The following THSD7B variants were observed in gnomAD, a reference collection of about 807,000 sequenced individuals.
THSD7B encodes thrombospondin type 1 domain containing 7B, also known as thrombospondin type-1 domain-containing protein 7B.
In THSD7B, 138 loss-of-function variants were observed where a neutral mutation model predicts 213.6. The observed-to-expected ratio is 0.65, with a 90% CI of 0.56 to 0.74. The LOEUF (loss-of-function observed/expected upper bound fraction) is 0.74. Ranked by LOEUF, THSD7B falls within the 30% of genes least tolerant of loss-of-function variation. The pLI is 0.00. For synonymous variants in THSD7B, 742 were observed against 687.0 expected (o/e 1.08, Z -1.25); for missense variants, 1,931 against 1,991.5 (o/e 0.97, Z 0.58).
At chr2:137,664,866 C>T (rs1335531919) in intron 26 of THSD7B, among the ~76,000 whole-genome samples, 1 of 152,084 alleles carries the variant, frequency 6.6e-6, no homozygotes, top group Non-Finnish European at 1.5e-5. Context: ...ACATTAACTC[C>T]TAGGGCATGG....
At chr2:136,875,531 C>G (rs997117623) in intron 1 of THSD7B, among the ~76,000 whole-genome samples, 8 of 152,038 alleles carry the variant, frequency 5.3e-5, no homozygotes, top group Non-Finnish European at 1.0e-4. Context: ...TTCTTTTAAT[C>G]ATTGTGTAAG....
intron 7 of THSD7B, among the ~76,000 whole-genome samples, chr2:137,173,274 A>C (rs1230507098): frequency 2.0e-5 from 3 of 152,218 alleles, no homozygotes; most frequent in African/African-American, 7.2e-5. Flanking sequence ...AATAAGGAGG[A>C]TTCGAATAGC....
chr2:137,341,461 C>A lies in THSD7B; in HGVS notation c.2501-64152C>A, dbSNP rs77318750. ...AGTTTTATGTAATCCTATTTGTCTCCTTTTGTTCTTGATGACTGCATTTTT... is the reference window on the plus strand; with the variant it reads ...AGTTTTATGTAATCCTATTTGTCTCATTTTGTTCTTGATGACTGCATTTTT... On this transcript the variant is annotated intron_variant, in intron 12 of 27. Coordinates refer to ENST00000409968, the MANE Select transcript of THSD7B (RefSeq NM_001316349.2). Among the ~76,000 whole-genome samples, 164 of 151,320 alleles carry A rather than the reference C, an allele frequency of 1.1e-3. 1 individual carries two copies. In the East Asian group the frequency reaches 0.026, roughly 24 times the overall value.
chr2:137,620,795 T>C, intron 20 of THSD7B, 69 bp downstream of exon 20: 1 of 1,320,368 alleles, frequency 7.6e-7, no homozygotes, highest in Non-Finnish European at 1.1e-6. Flanking sequence ...TGCCATAGCT[T>C]GATAAATGGC....
At chr2:137,071,995 GT>G (rs1687500055) in intron 3 of THSD7B, among the ~76,000 whole-genome samples, 1 of 152,210 alleles carries the variant, frequency 6.6e-6, no homozygotes, top group African/African-American at 2.4e-5. Context: ...GTATCATGCT[GT>G]TTTGGTTACT....
At chr2:137,529,417 G>A (rs1420797521) in intron 15 of THSD7B, among the ~76,000 whole-genome samples, 2 of 151,970 alleles carry the variant, frequency 1.3e-5, no homozygotes, top group Admixed American at 6.6e-5. Flanking sequence ...TATGTGCTAA[G>A]GGACTAATGA....
intron 2 of THSD7B, among the ~76,000 whole-genome samples, chr2:136,973,552 TTC>T (rs1685436045): frequency 6.6e-6 from 1 of 152,212 alleles, no homozygotes; most frequent in Non-Finnish European, 1.5e-5. Context: ...GAAAATGGAC[TTC>T]TGAGTCTTTA....
rs542813648 is a variant in THSD7B, at chr2:137,161,265, T to A, written c.1525+897T>A. 5.2e-4 allele frequency among the ~76,000 whole-genome samples: 79 copies of A among 152,298 alleles called. No homozygotes were observed. In the South Asian group the frequency reaches 0.015, roughly 29 times the overall value. On this transcript the variant is annotated intron_variant, in intron 6 of 27. Coordinates refer to ENST00000409968, the MANE Select transcript of THSD7B (RefSeq NM_001316349.2). The stretch of plus-strand genomic sequence containing the variant: ...GCCTTCTCTTTCATTGACCCTTTAG[T>A]TTCTATTGATACTGTGTTCCCTTAA...
At chr2:137,476,195 T>C (rs1163320856) in intron 15 of THSD7B, among the ~76,000 whole-genome samples, 2 of 152,148 alleles carry the variant, frequency 1.3e-5, no homozygotes, top group East Asian at 1.9e-4. Context: ...TTTGAGTTCC[T>C]TGTATATACT....
intron 2 of THSD7B, among the ~76,000 whole-genome samples, chr2:136,941,172 A>G (rs1178623622): frequency 3.9e-5 from 6 of 152,184 alleles, no homozygotes; most frequent in Non-Finnish European, 7.3e-5. Flanking sequence ...ACGTCCCTGC[A>G]AAAGACATGA....
At chr2:137,191,799 T>A (rs1183572487) in intron 7 of THSD7B, among the ~76,000 whole-genome samples, 1 of 152,118 alleles carries the variant, frequency 6.6e-6, no homozygotes, top group Non-Finnish European at 1.5e-5. Flanking sequence ...CTGTGGATCA[T>A]ATTATATATA....
chr2:136,775,544 G>A (rs916211733), intron 1 of THSD7B, among the ~76,000 whole-genome samples: 1 of 151,984 alleles, frequency 6.6e-6, no homozygotes, highest in Non-Finnish European at 1.5e-5. Flanking sequence ...TTTTGTTCAG[G>A]GGATAAAGAA....
Position 137,676,276 on chromosome 2 carries a change from A to AAAAC in THSD7B, c.4740-245_4740-242dup, listed in dbSNP as rs1487613121. ...TGTGTATCATCAAGAATATAAAAGG[A>AAAAC]AAACAACTCTTCTACTAAGTTCCTT... is the stretch of plus-strand genomic sequence containing the variant. On this transcript the variant is annotated intron_variant, in intron 27 of 27. Coordinates refer to ENST00000409968, the MANE Select transcript of THSD7B (RefSeq NM_001316349.2). Among the ~76,000 whole-genome samples, 3 of 152,306 alleles carry AAAAC rather than the reference A, an allele frequency of 2.0e-5. No individual in the cohort carries two copies. The East Asian group carries it at 5.8e-4, about 29-fold the overall frequency.
At chr2:137,483,565 A>G (rs1688355262) in intron 15 of THSD7B, among the ~76,000 whole-genome samples, 1 of 152,226 alleles carries the variant, frequency 6.6e-6, no homozygotes, top group African/African-American at 2.4e-5. Flanking sequence ...ATTGAACTCT[A>G]TTATTGTCTA....
chr2:137,121,490 A>T (rs1489491232), intron 5 of THSD7B, among the ~76,000 whole-genome samples: 1 of 152,228 alleles, frequency 6.6e-6, no homozygotes. Flanking sequence ...TGTTGCTGAA[A>T]CTAAAGCATG....
At chr2:137,189,016 G>A (rs1680607241) in intron 7 of THSD7B, among the ~76,000 whole-genome samples, 1 of 152,144 alleles carries the variant, frequency 6.6e-6, no homozygotes, top group Admixed American at 6.5e-5. Context: ...GAAATGTCCT[G>A]ATTTTGACAC....
intron 12 of THSD7B, among the ~76,000 whole-genome samples, chr2:137,295,769 C>T (rs1428596236): frequency 3.9e-5 from 6 of 152,198 alleles, no homozygotes; most frequent in Middle Eastern, 3.4e-3. Context: ...CCACCACACC[C>T]GGCCAAAAAA....
intron 15 of THSD7B, among the ~76,000 whole-genome samples, chr2:137,488,729 CT>C (rs1688531089): frequency 6.6e-6 from 1 of 152,152 alleles, no homozygotes; most frequent in Admixed American, 6.5e-5. Flanking sequence ...GAAACATTCA[CT>C]TGTATCTTGC....
chr2:137,137,407 C>A (rs568408352), intron 5 of THSD7B, among the ~76,000 whole-genome samples: 2 of 152,152 alleles, frequency 1.3e-5, no homozygotes, highest in Non-Finnish European at 2.9e-5. Context: ...TACTGCATAA[C>A]CATGTTTCGG....
Sources: allele counts gnomAD v4.1 joint callset (sites outside exome capture counted in the v4.1 genomes callset), GRCh38; gene constraint gnomAD v4.1.1; transcripts MANE v1.5; gene names NCBI Gene and HGNC (gene_info 2026-07-23, HGNC 2026-07-21).